WBP4: variants seen among roughly 807,000 people sequenced by gnomAD.
WBP4 encodes WW domain binding protein 4.
In WBP4, 37 loss-of-function variants were observed where a neutral mutation model predicts 55.4. That is an observed-to-expected ratio of 0.67 (90% CI 0.51 to 0.88). The LOEUF is 0.88. Ranked by LOEUF, WBP4 falls within the 40% of genes least tolerant of loss-of-function variation. The pLI, the probability that WBP4 is intolerant of heterozygous loss-of-function variation, is 0.00. For missense variants in WBP4, 398 were observed against 420.8 expected, an observed-to-expected ratio of 0.95 and a Z score of 0.47; for synonymous variants, 142 against 140.2, an observed-to-expected ratio of 1.01 and a Z score of -0.09.
At chr13:41,078,534 A>C (rs1458475203) in intron 8 of WBP4, among the ~76,000 whole-genome samples, 1 of 152,106 alleles carries the variant, frequency 6.6e-6, no homozygotes, top group Non-Finnish European at 1.5e-5. Context: ...AACTATAAAA[A>C]CCCTAGAAGG....
intron 5 of WBP4, among the ~76,000 whole-genome samples, chr13:41,071,289 T>C (rs1392751050): frequency 6.6e-6 from 1 of 152,240 alleles, no homozygotes; most frequent in Admixed American, 6.5e-5. Flanking sequence ...CTAAAATTCC[T>C]GTGGAAGTTC....
chr13:41,076,232 T>A lies in WBP4; in HGVS notation c.751T>A (p.Phe251Ile), dbSNP rs777276164. ...STETEKPKIK[F>I]KEKNKNSDGG... ...AGAGACAGAAAAGCCAAAAATAAAG[T>A]TTAAGGTAGGTTTTTAAATTTTACT... The change falls in exon 8 of 10, where the codon TTT (phenylalanine) becomes ATT (isoleucine). Residue 251 changes from phenylalanine to isoleucine, a missense_variant. By Grantham distance (21) the Phe-to-Ile change is conservative. Transcript: ENST00000379487. 2.5e-5 allele frequency: 40 copies of A among 1,570,014 alleles called. No individual in the cohort carries two copies. In the South Asian group the frequency reaches 4.4e-4, roughly 17 times the overall value.
chr13:41,069,499 G>GA (rs1057136342), intron 5 of WBP4, among the ~76,000 whole-genome samples: 5 of 151,926 alleles, frequency 3.3e-5, no homozygotes, highest in Admixed American at 6.6e-5. Flanking sequence ...CGTCTCTACT[G>GA]AAAAAACAAA....
At chr13:41,076,960 C>T (rs984755700) in intron 8 of WBP4, among the ~76,000 whole-genome samples, 4 of 152,126 alleles carry the variant, frequency 2.6e-5, no homozygotes, top group Non-Finnish European at 5.9e-5. Flanking sequence ...CAGTATCCAA[C>T]TTAGGATAGA....
In WBP4 at chr13:41,068,704, G is replaced by A; in HGVS notation, c.406G>A (p.Gly136Ser). 1 of 1,609,676 alleles carries A rather than the reference G, an allele frequency of 6.2e-7. No individual in the cohort carries two copies. The highest frequency in any genetic ancestry group is 1.1e-5 in the South Asian group (1 of 90,286). ...ATGGGTAGAAGGCATAACCTCTGAG[G>A]GTTACCATTACTATTATGATCTTAT... ...GRWVEGITSE[G>S]YHYYYDLISG... The change falls in exon 5 of 10, where the codon GGT (glycine) becomes AGT (serine). Residue 136 changes from glycine to serine, a missense_variant. Transcript: ENST00000379487.
chr13:41,062,936 C>A (rs891919304), intron 2 of WBP4, among the ~76,000 whole-genome samples: 1 of 151,980 alleles, frequency 6.6e-6, no homozygotes, highest in African/African-American at 2.4e-5. Flanking sequence ...TTCTCTGTGG[C>A]CTTTTGGGAA....
intron 2 of WBP4, 99 bp from the exon 3 acceptor site, chr13:41,064,911 CATTTTA>C (rs758846419): frequency 1.2e-5 from 13 of 1,057,806 alleles, no homozygotes; most frequent in South Asian, 7.4e-5. Context: ...TTCTGCCATT[CATTTTA>C]ATTTTAATTT....
intron 9 of WBP4, 54 bp downstream of exon 9, chr13:41,080,863 G>A: frequency 6.5e-7 from 1 of 1,538,124 alleles, no homozygotes; most frequent in Non-Finnish European, 8.8e-7. Context: ...TTACATCCCA[G>A]TACTTCCCTA....
chr13:41,082,453 A>G (rs1878824632), intron 9 of WBP4, among the ~76,000 whole-genome samples: 1 of 152,132 alleles, frequency 6.6e-6, no homozygotes, highest in East Asian at 1.9e-4. Context: ...TATAAGCCCA[A>G]GCATTTTCTT....
Position 41,072,823 on chromosome 13 carries a change from T to C in WBP4, c.528T>C (p.Asp176=). Residue 176 remains aspartate, a synonymous_variant, in exon 7 of 10, where the codon GAT becomes GAC. Coordinates refer to ENST00000379487, the MANE Select transcript of WBP4 (RefSeq NM_007187.5). The stretch of plus-strand genomic sequence containing the variant: ...TTTGGGTAGAAGGTTTAAGTGAAGA[T>C]GGTTTTACCTATTACTATAATACAG... ...KTVWVEGLSE[D]GFTYYYNTET... is the part of the protein sequence containing the mutation. 6.2e-7 allele frequency: 1 copy of C among 1,613,878 alleles called. No homozygotes were observed. Among genetic ancestry groups the C allele is most frequent in the Middle Eastern group, 1.7e-4 (1 of 6,054 alleles).
chr13:41,068,943 G>A (rs549507183), intron 5 of WBP4, among the ~76,000 whole-genome samples: 12 of 152,246 alleles, frequency 7.9e-5, no homozygotes, highest in African/African-American at 2.9e-4. Context: ...CTTAGTCAAA[G>A]CCTTTGATAA....
chr13:41,079,811 A>T (rs1322921192), intron 8 of WBP4, among the ~76,000 whole-genome samples: 1 of 152,194 alleles, frequency 6.6e-6, no homozygotes, highest in East Asian at 1.9e-4. Context: ...AAATCAACCT[A>T]AGTGTCCGTC....
intron 9 of WBP4, among the ~76,000 whole-genome samples, chr13:41,082,332 C>T (rs796187187): frequency 2.6e-5 from 4 of 152,084 alleles, no homozygotes; most frequent in African/African-American, 7.2e-5. Flanking sequence ...AGGCGCATCT[C>T]GAAACTCCTG....
At chr13:41,066,785 CATGT>C (rs3072012) in intron 4 of WBP4, among the ~76,000 whole-genome samples, 49,628 of 151,738 alleles carry the variant, frequency 0.33, 9,840 homozygotes, top group Admixed American at 0.47. Context: ...CATCTTTATG[CATGT>C]ATCTTTTTAC....
intron 5 of WBP4, among the ~76,000 whole-genome samples, chr13:41,071,314 C>G (rs116471323): frequency 6.6e-6 from 1 of 152,312 alleles, no homozygotes; most frequent in East Asian, 1.9e-4. Flanking sequence ...AACTTCTAAT[C>G]CCTCGTTCTG....
chr13:41,071,837 T>TAA (rs1878259711), intron 6 of WBP4, among the ~76,000 whole-genome samples: 1 of 151,906 alleles, frequency 6.6e-6, no homozygotes, highest in African/African-American at 2.4e-5. Context: ...GGTCAGGAGT[T>TAA]AAAGACCAGC....
chr13:41,077,339 A>G (rs1366554172), intron 8 of WBP4, among the ~76,000 whole-genome samples: 2 of 152,218 alleles, frequency 1.3e-5, no homozygotes, highest in African/African-American at 4.8e-5. Flanking sequence ...TAAAAGCCAT[A>G]TATGAGGCCG....
Position 41,081,524 on chromosome 13 carries a change from A to G in WBP4, c.920+715A>G, listed in dbSNP as rs527814113. On this transcript the variant is annotated intron_variant, in intron 9 of 9. Transcript: ENST00000379487. ...AAAAAAAAAAAAAAAAAAAAAATGT[A>G]AAAACTAAATAGATAAGCAAATATT... Among the ~76,000 whole-genome samples, 8 of 148,920 alleles carry G rather than the reference A, an allele frequency of 5.4e-5. No individual in the cohort carries two copies. The South Asian group carries it at 1.1e-3, about 20-fold the overall frequency.
intron 8 of WBP4, among the ~76,000 whole-genome samples, chr13:41,077,693 C>T (rs1465968749): frequency 6.6e-6 from 1 of 152,122 alleles, no homozygotes; most frequent in African/African-American, 2.4e-5. Flanking sequence ...GGAAGTCAAA[C>T]TATCTCTGTT....
Sources: allele counts gnomAD v4.1 joint callset (sites outside exome capture counted in the v4.1 genomes callset), GRCh38; gene constraint gnomAD v4.1.1; transcripts MANE v1.5; gene names NCBI Gene and HGNC (gene_info 2026-07-23, HGNC 2026-07-21).